Variants in GRAMD2B observed in about 807,000 individuals in gnomAD.
The protein encoded by GRAMD2B is GRAM domain-containing protein 2B.
GRAMD2B carries 41 observed loss-of-function variants against 59.2 expected under a neutral mutation model. The ratio of observed to expected loss-of-function variants is 0.69; its 90% confidence interval spans 0.54 to 0.90. The LOEUF (loss-of-function observed/expected upper bound fraction) is 0.90, where lower values mean the gene tolerates loss of function less well. GRAMD2B is among the 40% of genes least tolerant of loss of function. GRAMD2B has a pLI of 0.00. For missense variants in GRAMD2B, 424 were observed against 500.5 expected (o/e 0.85, Z 1.46); for synonymous variants, 161 against 182.7 (o/e 0.88, Z 0.96).
At chr5:126,413,398 T>A (rs1293485276) in intron 1 of GRAMD2B, among the ~76,000 whole-genome samples, 1 of 152,150 alleles carries the variant, frequency 6.6e-6, no homozygotes, top group Non-Finnish European at 1.5e-5. Flanking sequence ...TAAATTTCCA[T>A]GTAATTTTGT....
chr5:126,493,051 GAGGT>G lies in GRAMD2B; in HGVS notation c.*96_*99del. 1 of 878,174 alleles carries G rather than the reference GAGGT, an allele frequency of 1.1e-6. No individual in the cohort carries two copies. Among genetic ancestry groups the G allele is most frequent in the South Asian group, 1.4e-5 (1 of 71,186 alleles). The allele number at this position is 878,174 out of a possible 1,614,324, so 54.4% of individuals were successfully genotyped here. A position where few individuals can be genotyped will look rare whatever the true frequency, so the allele number is the denominator to read the frequency against. On this transcript the variant is annotated 3_prime_UTR_variant, in exon 14 of 14. Coordinates refer to ENST00000285689, the MANE Select transcript of GRAMD2B (RefSeq NM_023927.4). ...TTGTTTGAGTGCACCCTGCTGGTCAGAGGTGCAAGCAGATGAGAATCCAGACATT... is the reference window on the plus strand; with the variant it reads ...TTGTTTGAGTGCACCCTGCTGGTCAGGCAAGCAGATGAGAATCCAGACATT...
intron 1 of GRAMD2B, among the ~76,000 whole-genome samples, chr5:126,436,394 A>G (rs1168519282): frequency 6.6e-6 from 1 of 152,124 alleles, no homozygotes; most frequent in Non-Finnish European, 1.5e-5. Context: ...CACACCTATA[A>G]TCCCAGCACT....
rs1430937310 is a variant in GRAMD2B at position 126,488,904 on chromosome 5, C to A, written c.1257+12C>A. The A allele has an allele frequency of 1.2e-6, 2 of 1,602,610 alleles. No individual in the cohort carries two copies. Among genetic ancestry groups the A allele is most frequent in the African/African-American group, 1.3e-5 (1 of 74,674 alleles). The stretch of plus-strand genomic sequence containing the variant: ...TGAAATTAGAAAAGGTGACCTATTT[C>A]TTTCCTGTGTATGGGGGCAGTCACA... On this transcript the variant is annotated intron_variant, in intron 13 of 13. Transcript: ENST00000285689.
At chr5:126,364,963 C>T (rs1022064078) in intron 1 of GRAMD2B, among the ~76,000 whole-genome samples, 1 of 152,132 alleles carries the variant, frequency 6.6e-6, no homozygotes, top group East Asian at 1.9e-4. Flanking sequence ...AAGGGTAAGG[C>T]CTCTTGAAAA....
chr5:126,464,958 T>C (rs1470662500), intron 1 of GRAMD2B: 1 of 628,654 alleles, frequency 1.6e-6, no homozygotes, highest in African/African-American at 2.0e-5. Context: ...AGACTGTAAA[T>C]TGCTTAGGGA....
At chr5:126,465,330 C>A (rs1768117499) in intron 1 of GRAMD2B, 96 bp from the exon 2 acceptor site, 2 of 1,580,804 alleles carry the variant, frequency 1.3e-6, no homozygotes, top group Non-Finnish European at 1.7e-6. Context: ...GAATGAAAAT[C>A]ATTCCATTCT....
At chr5:126,412,439 T>C (rs1300538490) in intron 1 of GRAMD2B, among the ~76,000 whole-genome samples, 1 of 152,162 alleles carries the variant, frequency 6.6e-6, no homozygotes, top group Non-Finnish European at 1.5e-5. Context: ...TGAAGCAACC[T>C]TGCATCCCAG....
chr5:126,366,744 T>C (rs1036402950), upstream of GRAMD2B, among the ~76,000 whole-genome samples: 2 of 151,868 alleles, frequency 1.3e-5, no homozygotes, highest in African/African-American at 4.8e-5. Flanking sequence ...GGAATGTGGA[T>C]ATATTTAATT....
At chr5:126,440,442 A>T (rs1267266921) in intron 1 of GRAMD2B, among the ~76,000 whole-genome samples, 4 of 152,236 alleles carry the variant, frequency 2.6e-5, no homozygotes, top group African/African-American at 9.6e-5. Flanking sequence ...GCTTATCATG[A>T]TGAAGCTATC....
intron 1 of GRAMD2B, among the ~76,000 whole-genome samples, chr5:126,412,936 G>A (rs1758945109): frequency 6.6e-6 from 1 of 152,016 alleles, no homozygotes; most frequent in African/African-American, 2.4e-5. Flanking sequence ...CTGCATTTCT[G>A]TGGGATAGAT....
intron 5 of GRAMD2B, 72 bp from the exon 6 acceptor site, chr5:126,477,620 C>G (rs933260164): frequency 7.0e-6 from 6 of 852,382 alleles, no homozygotes; most frequent in South Asian, 1.4e-5. Flanking sequence ...TTTCTTTTTT[C>G]CTTAAATGTG....
At chr5:126,436,556 G>A (rs927849260) in intron 1 of GRAMD2B, among the ~76,000 whole-genome samples, 1 of 152,180 alleles carries the variant, frequency 6.6e-6, no homozygotes, top group Non-Finnish European at 1.5e-5. Context: ...GAAGGCTGAG[G>A]TGGGAGGATC....
chr5:126,448,583 G>A (rs1166726395), intron 1 of GRAMD2B, among the ~76,000 whole-genome samples: 1 of 152,160 alleles, frequency 6.6e-6, no homozygotes, highest in African/African-American at 2.4e-5. Context: ...TAGATGGAAG[G>A]AGGAGGGGTC....
intron 1 of GRAMD2B, among the ~76,000 whole-genome samples, chr5:126,448,026 A>G (rs1015844376): frequency 7.3e-6 from 1 of 136,424 alleles, no homozygotes; most frequent in African/African-American, 2.9e-5. Context: ...CATCCAGCTA[A>G]TTTTTGTATT....
Position 126,423,493 on chromosome 5 carries a change from G to A in GRAMD2B, c.-114G>A. The A allele has an allele frequency of 1.3e-6, 2 of 1,525,196 alleles. No homozygotes were observed. Among genetic ancestry groups the A allele is most frequent in the Non-Finnish European group, 1.8e-6 (2 of 1,138,758 alleles). 94.5% of individuals were successfully genotyped at this position (1,525,196 alleles called of 1,614,324 possible). ...CTGGATGCGCTGGGCGGAGGGTGCAGGGGAGGGCACGGCGCCGCTTGCTTG... is the reference window on the plus strand; with the variant it reads ...CTGGATGCGCTGGGCGGAGGGTGCAAGGGAGGGCACGGCGCCGCTTGCTTG... On this transcript the variant is annotated 5_prime_UTR_variant, in exon 1 of 14. Coordinates refer to ENST00000285689, the MANE Select transcript of GRAMD2B (RefSeq NM_023927.4).
At chr5:126,491,538 C>T (rs10213785) in intron 13 of GRAMD2B, among the ~76,000 whole-genome samples, 43,855 of 152,030 alleles carry the variant, frequency 0.29, 6,593 homozygotes, top group Non-Finnish European at 0.32. Flanking sequence ...TGTTGTATGG[C>T]TCAGGAGCAG....
chr5:126,438,771 C>T (rs1762812373), intron 1 of GRAMD2B, among the ~76,000 whole-genome samples: 1 of 152,072 alleles, frequency 6.6e-6, no homozygotes, highest in African/African-American at 2.4e-5. Flanking sequence ...CATGGCAGAA[C>T]GATTAGCATG....
upstream of GRAMD2B, among the ~76,000 whole-genome samples, chr5:126,421,835 T>C (rs1335292111): frequency 6.6e-6 from 1 of 152,220 alleles, no homozygotes; most frequent in African/African-American, 2.4e-5. Flanking sequence ...CATACATACA[T>C]GTACATACTA....
chr5:126,378,248 C>G (rs1280552618), intron 1 of GRAMD2B, among the ~76,000 whole-genome samples: 1 of 152,006 alleles, frequency 6.6e-6, no homozygotes, highest in Non-Finnish European at 1.5e-5. Flanking sequence ...ACTAAACCAC[C>G]TTCTTTTCTG....
Sources: allele counts gnomAD v4.1 joint callset (sites outside exome capture counted in the v4.1 genomes callset), GRCh38; gene constraint gnomAD v4.1.1; transcripts MANE v1.5; gene names NCBI Gene and HGNC (gene_info 2026-07-23, HGNC 2026-07-21).